The following PHACTR4 variants were observed in gnomAD, a reference collection of about 807,000 sequenced individuals.
PHACTR4 encodes phosphatase and actin regulator 4, also known as protein phosphatase 1, regulatory subunit 124.
PHACTR4 carries 51 observed loss-of-function variants against 72.7 expected under a neutral mutation model. That is an observed-to-expected ratio of 0.70 (90% CI 0.56 to 0.89). PHACTR4 has a LOEUF of 0.89. PHACTR4 is among the 40% of genes least tolerant of loss of function. The probability of loss-of-function intolerance (pLI) is 0.00; values close to 1 mark genes in which losing one functional copy is unlikely to be tolerated. For synonymous variants in PHACTR4, 255 were observed against 302.5 expected, an observed-to-expected ratio of 0.84 and a Z score of 1.63; for missense variants, 731 against 861.8, an observed-to-expected ratio of 0.85 and a Z score of 1.90.
intron 9 of PHACTR4, among the ~76,000 whole-genome samples, chr1:28,484,869 G>A (rs370772290): frequency 1.3e-5 from 2 of 152,196 alleles, no homozygotes; most frequent in Admixed American, 6.6e-5. Flanking sequence ...GGGAGGCTGA[G>A]GCAGGAGAAT....
chr1:28,393,655 TTTAA>T (rs978180008), intron 1 of PHACTR4, among the ~76,000 whole-genome samples: 1 of 152,110 alleles, frequency 6.6e-6, no homozygotes, highest in African/African-American at 2.4e-5. Flanking sequence ...TACTATACTT[TTTAA>T]TTGTTAGTGT....
intron 4 of PHACTR4, among the ~76,000 whole-genome samples, chr1:28,465,225 G>T (rs1659064125): frequency 6.6e-6 from 1 of 152,104 alleles, no homozygotes; most frequent in Non-Finnish European, 1.5e-5. Flanking sequence ...CACTTTGGGG[G>T]CTGAGGCGGG....
intron 2 of PHACTR4, among the ~76,000 whole-genome samples, chr1:28,455,296 T>A (rs1658310783): frequency 6.9e-6 from 1 of 145,686 alleles, no homozygotes; most frequent in African/African-American, 2.6e-5. Flanking sequence ...CCTCCCAAGT[T>A]CAAGATTCTC....
chr1:28,476,159 G>T lies in PHACTR4; in HGVS notation c.1474G>T (p.Glu492Ter). Residue 492 changes from glutamate (E) to a stop codon, truncating the protein, a stop_gained, in exon 8 of 14, where the codon GAA (glutamate) becomes TAA (stop). Coordinates refer to ENST00000373839, the MANE Select transcript of PHACTR4 (RefSeq NM_001048183.3). LOFTEE classifies it high-confidence loss of function. ...AACCTGTCCATCCACATTCAGTGAA[G>T]AAATGACACCTACCTCAGTCATTCC... ...EQTCPSTFSE[E>*]MTPTSVIPKL... 2 of 1,605,656 alleles carry T rather than the reference G, an allele frequency of 1.2e-6. No homozygotes were observed. The highest frequency in any genetic ancestry group is 1.7e-6 in the Non-Finnish European group (2 of 1,174,940).
chr1:28,464,516 C>G lies in PHACTR4; in HGVS notation c.272-1169C>G, dbSNP rs890453168. Among the ~76,000 whole-genome samples the G allele has an allele frequency of 2.3e-4, 35 of 152,088 alleles. 1 individual carries two copies. The stretch of plus-strand genomic sequence containing the variant: ...ACTGTTTGAGCCCAGGAGTTCAAGG[C>G]CCATTCTGGTAACATAGCAAGACCA... On this transcript the variant is annotated intron_variant, in intron 4 of 13. Transcript: ENST00000373839.
chr1:28,474,201 C>A (rs780066700), intron 7 of PHACTR4, 50 bp downstream of exon 7: 23 of 1,484,714 alleles, frequency 1.5e-5, no homozygotes, highest in Non-Finnish European at 2.0e-5. Context: ...TCTAGATAGC[C>A]CTGCTTGGAA....
At chr1:28,447,134 C>G (rs1657537372) in intron 2 of PHACTR4, among the ~76,000 whole-genome samples, 1 of 151,858 alleles carries the variant, frequency 6.6e-6, no homozygotes. Flanking sequence ...GCCTTGGCCT[C>G]CTGAGTAGCT....
Position 28,480,468 on chromosome 1 carries a change from G to T in PHACTR4, c.1624G>T (p.Val542Leu). Residue 542 changes from valine to leucine, a missense_variant, in exon 9 of 14, where the codon GTG becomes TTG. This residue lies in a region of PHACTR4 where 621 missense variants were observed against 676.6 expected (regional missense o/e 0.92). Coordinates refer to ENST00000373839, the MANE Select transcript of PHACTR4 (RefSeq NM_001048183.3). ...ESYQSALANK[V>L]KRKDTLAMKL... ...GTGCAAAGGTGCTCTCGCCAACAAAGTGAAGAGGAAAGACACACTGGCAAT... is the reference window on the plus strand; with the variant it reads ...GTGCAAAGGTGCTCTCGCCAACAAATTGAAGAGGAAAGACACACTGGCAAT... The T allele has an allele frequency of 6.2e-7, 1 of 1,614,050 alleles. No individual in the cohort carries two copies. The highest frequency in any genetic ancestry group is 8.5e-7 in the Non-Finnish European group (1 of 1,179,986).
Position 28,479,195 on chromosome 1 carries a change from C to T in PHACTR4, c.1607-1256C>T, listed in dbSNP as rs955366148. Among the ~76,000 whole-genome samples the T allele has an allele frequency of 5.3e-5, 8 of 151,604 alleles. No homozygotes were observed. In the South Asian group the frequency reaches 6.3e-4, roughly 12 times the overall value. On this transcript the variant is annotated intron_variant, in intron 8 of 13. Coordinates refer to ENST00000373839, the MANE Select transcript of PHACTR4 (RefSeq NM_001048183.3). ...CAACACTTTGGGAGGCCGAGGCAGG[C>T]GGATCACCTGAGGTCAGGAGTTCGA...
At position 28,474,021 on chromosome 1, in the gene PHACTR4, A is replaced by G. The variant is rs763582018; in HGVS notation, c.1291A>G (p.Met431Val). Residue 431 changes from methionine to valine, a missense_variant, in exon 7 of 14, where the codon ATG becomes GTG. By Grantham distance (21) the Met-to-Val change is conservative. This residue lies in a region of PHACTR4 where 621 missense variants were observed against 676.6 expected (regional missense o/e 0.92). Coordinates refer to ENST00000373839, the MANE Select transcript of PHACTR4 (RefSeq NM_001048183.3). ...GCAGGCCCTCACCAGCCCACTTCCC[A>G]TGACTCCTATTCTGGAGGGTTCTCA... Reference protein sequence around the residue: ...IQQALTSPLPMTPILEGSHRA... With the variant: ...IQQALTSPLPVTPILEGSHRA... The G allele has an allele frequency of 6.2e-7, 1 of 1,614,138 alleles. No individual in the cohort carries two copies. Among genetic ancestry groups the G allele is most frequent in the Non-Finnish European group, 8.5e-7 (1 of 1,180,014 alleles).
chr1:28,492,907 G>A (rs1661125804), intron 12 of PHACTR4, 108 bp from the exon 13 acceptor site: 1 of 871,276 alleles, frequency 1.1e-6, no homozygotes. Context: ...TTGCCTGTGA[G>A]GGGTTGCAGT....
intron 2 of PHACTR4, among the ~76,000 whole-genome samples, chr1:28,414,878 C>T (rs917585186): frequency 1.3e-5 from 2 of 152,132 alleles, no homozygotes; most frequent in Non-Finnish European, 2.9e-5. Context: ...GATTTTAGGT[C>T]ACCTCCCTTT....
chr1:28,386,067 G>A (rs1024829235), intron 1 of PHACTR4, among the ~76,000 whole-genome samples: 1 of 152,172 alleles, frequency 6.6e-6, no homozygotes, highest in Non-Finnish European at 1.5e-5. Context: ...ATGTGGCAAT[G>A]AGAAGAATGT....
intron 1 of PHACTR4, 73 bp from the exon 2 acceptor site, chr1:28,407,337 T>C (rs934893883): frequency 2.7e-6 from 2 of 736,382 alleles, no homozygotes; most frequent in Middle Eastern, 2.9e-4. Flanking sequence ...TGAATTAGGA[T>C]TATTTTTTTA....
chr1:28,428,068 CAG>C (rs1403643444), intron 2 of PHACTR4, among the ~76,000 whole-genome samples: 1 of 152,120 alleles, frequency 6.6e-6, no homozygotes, highest in African/African-American at 2.4e-5. Context: ...TTATTTAAAA[CAG>C]AATATTGAAT....
Position 28,395,886 on chromosome 1 carries a change from C to T in PHACTR4, c.-38-11524C>T, listed in dbSNP as rs1433329070. 4.3e-5 allele frequency among the ~76,000 whole-genome samples: 5 copies of T among 116,616 alleles called. No homozygotes were observed. In the East Asian group the frequency reaches 8.5e-4, roughly 20 times the overall value. The allele number at this position is 116,616 out of a possible 152,430, so 76.5% of individuals were successfully genotyped here. A position where few individuals can be genotyped will look rare whatever the true frequency, so the allele number is the denominator to read the frequency against. Reference sequence around the variant, plus strand: ...CCGTGTTAGCCAGGATGGTCTCGATCTCCTGACCTCGTGATCCGCCCGCCT... The same window carrying T: ...CCGTGTTAGCCAGGATGGTCTCGATTTCCTGACCTCGTGATCCGCCCGCCT... On this transcript the variant is annotated intron_variant, in intron 1 of 13. Coordinates refer to ENST00000373839, the MANE Select transcript of PHACTR4 (RefSeq NM_001048183.3).
intron 2 of PHACTR4, among the ~76,000 whole-genome samples, chr1:28,447,395 CT>C (rs970088054): frequency 2.1e-3 from 277 of 132,594 alleles, no homozygotes; most frequent in Middle Eastern, 9.1e-3. Flanking sequence ...TTTCTTTTTT[CT>C]TTTTTTTTTT....
intron 2 of PHACTR4, among the ~76,000 whole-genome samples, chr1:28,445,047 T>C (rs146114487): frequency 0.1 from 15,728 of 151,760 alleles, 1,880 homozygotes; most frequent in African/African-American, 0.3. Context: ...CCTCCACCTC[T>C]CGGGTTCAAG....
At chr1:28,477,253 T>C (rs1457680004) in intron 8 of PHACTR4, among the ~76,000 whole-genome samples, 3 of 151,016 alleles carry the variant, frequency 2.0e-5, no homozygotes, top group African/African-American at 7.3e-5. Context: ...GCCCAGCTAA[T>C]TTTTTTTTAT....
Sources: allele counts gnomAD v4.1 joint callset (sites outside exome capture counted in the v4.1 genomes callset), GRCh38; gene constraint gnomAD v4.1.1; regional missense constraint gnomAD v4.1.1; transcripts MANE v1.5; gene names NCBI Gene and HGNC (gene_info 2026-07-23, HGNC 2026-07-21).